ZNF131: variants seen among roughly 807,000 people sequenced by gnomAD.
ZNF131 encodes zinc finger and BTB domain containing 35, also known as zinc finger protein 131.
A neutral mutation model predicts 60.0 loss-of-function variants in ZNF131; 7 were observed. The ratio of observed to expected loss-of-function variants is 0.12; its 90% confidence interval spans 0.07 to 0.22. ZNF131 has a LOEUF of 0.22. Among genes scored for constraint, ZNF131 ranks in the 10% least tolerant of loss-of-function variants. The pLI is 1.00. For missense variants in ZNF131, 493 were observed against 740.9 expected, an observed-to-expected ratio of 0.67 and a Z score of 3.88; for synonymous variants, 257 against 253.2, an observed-to-expected ratio of 1.01 and a Z score of -0.14.
intron 5 of ZNF131, among the ~76,000 whole-genome samples, chr5:43,163,499 G>T (rs1041012459): frequency 2.0e-5 from 3 of 152,202 alleles, no homozygotes; most frequent in Non-Finnish European, 4.4e-5. Flanking sequence ...GCCCCACATA[G>T]TTCTTCATCC....
chr5:43,158,940 G>T (rs1749299713), intron 4 of ZNF131, among the ~76,000 whole-genome samples: 1 of 151,434 alleles, frequency 6.6e-6, no homozygotes, highest in African/African-American at 2.4e-5. Flanking sequence ...AAGTTTTCCT[G>T]CCACAGTGTC....
At chr5:43,147,925 G>A (rs1184521067) in intron 4 of ZNF131, among the ~76,000 whole-genome samples, 1 of 151,412 alleles carries the variant, frequency 6.6e-6, no homozygotes, top group Non-Finnish European at 1.5e-5. Context: ...GTGCTGGTGG[G>A]CACCTGTAAT....
At chr5:43,146,121 G>T (rs1463621422) in intron 4 of ZNF131, among the ~76,000 whole-genome samples, 3 of 152,124 alleles carry the variant, frequency 2.0e-5, no homozygotes, top group East Asian at 3.8e-4. Context: ...AATTTAGCTG[G>T]ACTACTTAAG....
At chr5:43,173,854 G>A (rs533018135) in intron 6 of ZNF131, among the ~76,000 whole-genome samples, 3 of 152,154 alleles carry the variant, frequency 2.0e-5, no homozygotes, top group Non-Finnish European at 2.9e-5. Flanking sequence ...CTATGTTATG[G>A]GAGAAACTAA....
chr5:43,146,223 A>G (rs1287334150), intron 4 of ZNF131, among the ~76,000 whole-genome samples: 1 of 152,184 alleles, frequency 6.6e-6, no homozygotes, highest in African/African-American at 2.4e-5. Context: ...TGTAGTGTAA[A>G]CTTTCTGAAC....
intron 2 of ZNF131, 25 bp from the exon 3 acceptor site, chr5:43,123,184 T>TG: frequency 1.3e-6 from 2 of 1,548,718 alleles, no homozygotes; most frequent in African/African-American, 2.8e-5. Flanking sequence ...TGTATGATTT[T>TG]CTTTTTTTTT....
intron 4 of ZNF131, among the ~76,000 whole-genome samples, chr5:43,157,334 C>T (rs1319687298): frequency 6.6e-6 from 1 of 152,218 alleles, no homozygotes; most frequent in Non-Finnish European, 1.5e-5. Context: ...CTGTGACTCA[C>T]CTGGCTTCTG....
intron 5 of ZNF131, among the ~76,000 whole-genome samples, chr5:43,167,684 T>C (rs991357644): frequency 2.0e-5 from 3 of 152,192 alleles, no homozygotes; most frequent in Non-Finnish European, 2.9e-5. Flanking sequence ...CACTAGGCCA[T>C]GAATATAAAA....
At chr5:43,164,320 C>T (rs1257730711) in intron 5 of ZNF131, among the ~76,000 whole-genome samples, 1 of 152,158 alleles carries the variant, frequency 6.6e-6, no homozygotes, top group African/African-American at 2.4e-5. Flanking sequence ...ACGAACCAAT[C>T]CCCCGCATAT....
intron 4 of ZNF131, among the ~76,000 whole-genome samples, chr5:43,145,203 G>C (rs1747427765): frequency 6.6e-6 from 1 of 152,010 alleles, no homozygotes; most frequent in Non-Finnish European, 1.5e-5. Flanking sequence ...TTTCCTTGCT[G>C]TTCAGTTGTG....
intron 5 of ZNF131, among the ~76,000 whole-genome samples, chr5:43,162,992 G>C (rs1254557101): frequency 2.0e-4 from 4 of 20,158 alleles, no homozygotes; most frequent in Non-Finnish European, 3.3e-4. Context: ...TTTTTTGGCA[G>C]ATGGAGTCTC....
chr5:43,156,876 C>T (rs1323745857), intron 4 of ZNF131, among the ~76,000 whole-genome samples: 5 of 151,852 alleles, frequency 3.3e-5, no homozygotes, highest in Admixed American at 6.6e-5. Flanking sequence ...GTCTCTCTAC[C>T]CCCACCAAAA....
At chr5:43,149,923 G>A (rs988066150) in intron 4 of ZNF131, among the ~76,000 whole-genome samples, 16 of 152,128 alleles carry the variant, frequency 1.1e-4, no homozygotes, top group Non-Finnish European at 2.1e-4. Context: ...ATTTTATCCT[G>A]TTTGCAAGGT....
rs956526249 is a variant in ZNF131 at position 43,161,168 on chromosome 5, T to G, written c.372-81T>G. On this transcript the variant is annotated intron_variant, in intron 4 of 6. Coordinates refer to ENST00000682664, the MANE Select transcript of ZNF131 (RefSeq NM_001330707.2). ...TTTATAACTGTTTATATAAATTTTA[T>G]TGCCACTTTATCAGTTTCTTCAAAA... 6 of 1,256,496 alleles carry G rather than the reference T, an allele frequency of 4.8e-6. No individual in the cohort carries two copies. In the East Asian group the frequency reaches 1.2e-4, roughly 24 times the overall value. The allele number at this position is 1,256,496 out of a possible 1,614,324, so 77.8% of individuals were successfully genotyped here. A position where few individuals can be genotyped will look rare whatever the true frequency, so the allele number is the denominator to read the frequency against.
At chr5:43,159,900 C>T (rs1250780546) in intron 4 of ZNF131, among the ~76,000 whole-genome samples, 6 of 151,948 alleles carry the variant, frequency 3.9e-5, no homozygotes, top group East Asian at 1.9e-4. Flanking sequence ...GCAGGCTGGG[C>T]GCGGTGGCCC....
At chr5:43,153,193 C>T (rs1254965841) in intron 4 of ZNF131, among the ~76,000 whole-genome samples, 5 of 152,152 alleles carry the variant, frequency 3.3e-5, no homozygotes, top group Non-Finnish European at 5.9e-5. Context: ...AAGATGATGT[C>T]ACTCCATTAA....
intron 3 of ZNF131, among the ~76,000 whole-genome samples, chr5:43,129,600 C>T (rs116553078): frequency 0.011 from 1,730 of 152,242 alleles, 30 homozygotes; most frequent in African/African-American, 0.04. Flanking sequence ...GATGACATAG[C>T]CCCATGTTAG....
intron 4 of ZNF131, among the ~76,000 whole-genome samples, chr5:43,152,546 A>C (rs1267836704): frequency 6.6e-6 from 1 of 152,190 alleles, no homozygotes; most frequent in Non-Finnish European, 1.5e-5. Context: ...AGAGACCTGC[A>C]ACTGAGCATT....
At chr5:43,172,801 A>G (rs888075360) in intron 5 of ZNF131, among the ~76,000 whole-genome samples, 3 of 151,908 alleles carry the variant, frequency 2.0e-5, no homozygotes, top group Non-Finnish European at 2.9e-5. Flanking sequence ...TACATATTCC[A>G]TCGCTCTTTT....
Sources: allele counts gnomAD v4.1 joint callset (sites outside exome capture counted in the v4.1 genomes callset), GRCh38; gene constraint gnomAD v4.1.1; transcripts MANE v1.5; gene names NCBI Gene and HGNC (gene_info 2026-07-23, HGNC 2026-07-21).